FASTKD1: variants seen among roughly 807,000 people sequenced by gnomAD.
FASTKD1 encodes the protein FAST kinase domain-containing protein 1, mitochondrial.
In FASTKD1, 94 loss-of-function variants were observed where a neutral mutation model predicts 90.9. That is an observed-to-expected ratio of 1.03 (90% CI 0.88 to 1.23). The LOEUF (loss-of-function observed/expected upper bound fraction) is 1.23, where lower values mean the gene tolerates loss of function less well. Among genes scored for constraint, FASTKD1 ranks in the 50% most tolerant of loss-of-function variants. The pLI, the probability that FASTKD1 is intolerant of heterozygous loss-of-function variation, is 0.00. For missense variants in FASTKD1, 945 were observed against 993.5 expected (o/e 0.95, Z 0.66); for synonymous variants, 319 against 345.8 (o/e 0.92, Z 0.86).
chr2:169,536,995 A>ATTT (rs769352998), intron 12 of FASTKD1: 106 of 239,850 alleles, frequency 4.4e-4, no homozygotes, highest in Middle Eastern at 1.5e-3. Context: ...ACTGACCTTA[A>ATTT]TTTTTTTTTT....
intron 4 of FASTKD1, among the ~76,000 whole-genome samples, chr2:169,562,309 T>C (rs1683739015): frequency 6.6e-6 from 1 of 151,870 alleles, no homozygotes; most frequent in African/African-American, 2.4e-5. Context: ...CTCAGGTCAC[T>C]GCAACCTCCA....
intron 2 of FASTKD1, among the ~76,000 whole-genome samples, chr2:169,570,613 C>T (rs895806978): frequency 2.6e-5 from 4 of 151,582 alleles, no homozygotes; most frequent in Non-Finnish European, 4.4e-5. Flanking sequence ...ATTACAATAA[C>T]GAGATTGCAA....
At chr2:169,537,911 G>A (rs1684792831) in intron 11 of FASTKD1, 102 bp downstream of exon 11, 2 of 960,284 alleles carry the variant, frequency 2.1e-6, no homozygotes, top group Non-Finnish European at 3.1e-6. Context: ...GCACTCTTGG[G>A]AAGGCTCGTG....
intron 10 of FASTKD1, among the ~76,000 whole-genome samples, chr2:169,539,633 C>T (rs112716139): frequency 7.2e-5 from 11 of 151,962 alleles, no homozygotes; most frequent in African/African-American, 2.7e-4. Flanking sequence ...GGCATGGTGA[C>T]ACACGCCTGT....
Position 169,531,481 on chromosome 2 carries a change from C to G in FASTKD1, c.2198G>C (p.Cys733Ser), listed in dbSNP as rs752543615. 20 of 1,602,304 alleles carry G rather than the reference C, an allele frequency of 1.2e-5. No homozygotes were observed. Among genetic ancestry groups the G allele is most frequent in the Non-Finnish European group, 1.5e-5 (18 of 1,176,636 alleles). ...AGGTTTTTTTCTTTTATCCAAGATA[C>G]ACTCAAAATCTTAAGGAAGCATAGA... ...TPYYHKVDFE[C>S]ILDKRKKPLP... Residue 733 changes from cysteine to serine, a missense_variant, in exon 13 of 15, where the codon TGT (cysteine) becomes TCT (serine). Physicochemically the swap from Cys to Ser is moderately radical, Grantham distance 112. Transcript: ENST00000453153.
At chr2:169,543,061 A>T (rs1412743296) in intron 9 of FASTKD1, among the ~76,000 whole-genome samples, 3 of 152,216 alleles carry the variant, frequency 2.0e-5, no homozygotes, top group Non-Finnish European at 4.4e-5. Flanking sequence ...CAATCAGACA[A>T]ATCCAGAATG....
chr2:169,545,531 G>A (rs1685152896), intron 8 of FASTKD1, among the ~76,000 whole-genome samples: 1 of 152,144 alleles, frequency 6.6e-6, no homozygotes, highest in African/African-American at 2.4e-5. Flanking sequence ...ATATATTTAT[G>A]ATAGTGATTT....
intron 6 of FASTKD1, among the ~76,000 whole-genome samples, chr2:169,555,967 G>A (rs1055938450): frequency 2.6e-5 from 4 of 151,938 alleles, no homozygotes; most frequent in African/African-American, 9.7e-5. Context: ...TTGAGCCCAG[G>A]AGTTCAAGAT....
intron 7 of FASTKD1, among the ~76,000 whole-genome samples, chr2:169,552,861 A>G (rs557770460): frequency 3.5e-4 from 53 of 152,148 alleles, no homozygotes; most frequent in Non-Finnish European, 6.9e-4. Context: ...CAATTCATCC[A>G]TGTAACAAAA....
At chr2:169,566,137 C>T (rs909238361) in intron 3 of FASTKD1, among the ~76,000 whole-genome samples, 2 of 152,154 alleles carry the variant, frequency 1.3e-5, no homozygotes, top group African/African-American at 4.8e-5. Context: ...ACTCTCGCTT[C>T]ACTTTGTTGA....
At chr2:169,570,706 C>T (rs911666877) in intron 2 of FASTKD1, among the ~76,000 whole-genome samples, 13 of 141,128 alleles carry the variant, frequency 9.2e-5, no homozygotes, top group Non-Finnish European at 1.5e-4. Flanking sequence ...GACAGCGTCT[C>T]ACTCTGTCGC....
chr2:169,560,300 G>T (rs1683517957), intron 5 of FASTKD1, 87 bp downstream of exon 5: 3 of 1,035,928 alleles, frequency 2.9e-6, no homozygotes, highest in Non-Finnish European at 2.8e-6. Flanking sequence ...GGTGATATTT[G>T]TACCTTCCAG....
chr2:169,530,634 C>G lies in FASTKD1; in HGVS notation c.2395G>C (p.Ala799Pro). The change falls in exon 14 of 15, where the codon GCT becomes CCT. Residue 799 changes from alanine (A) to proline (P), a missense_variant. By Grantham distance (27) the Ala-to-Pro change is conservative (BLOSUM62 -1). Transcript: ENST00000453153. Reference protein sequence around the residue: ...RNIPHMKGKSAMKKRHLEILG... With the variant: ...RNIPHMKGKSPMKKRHLEILG... Reference sequence around the variant, plus strand: ...ATTTCCAAATGTCGTTTTTTCATAGCAGATTTTCCTTTCATGTGAGGGATA... The same window carrying G: ...ATTTCCAAATGTCGTTTTTTCATAGGAGATTTTCCTTTCATGTGAGGGATA... The G allele has an allele frequency of 6.2e-7, 1 of 1,610,230 alleles. No homozygotes were observed. The highest frequency in any genetic ancestry group is 1.7e-4 in the Middle Eastern group (1 of 6,018).
chr2:169,531,239 G>T, intron 13 of FASTKD1, 113 bp downstream of exon 13: 2 of 1,087,752 alleles, frequency 1.8e-6, no homozygotes, highest in African/African-American at 1.5e-5. Flanking sequence ...TGGAATGCAT[G>T]ACATATGAGG....
intron 9 of FASTKD1, 109 bp downstream of exon 9, chr2:169,544,612 A>C: frequency 1.5e-6 from 1 of 673,400 alleles, no homozygotes; most frequent in Non-Finnish European, 2.6e-6. Flanking sequence ...TTAGGTAGAT[A>C]ATTCATGTCT....
intron 6 of FASTKD1, among the ~76,000 whole-genome samples, chr2:169,556,352 A>G (rs1045573956): frequency 2.1e-5 from 3 of 146,162 alleles, no homozygotes; most frequent in African/African-American, 5.0e-5. Flanking sequence ...GAGAGGATCA[A>G]TTGAGCCTGG....
At position 169,562,018 on chromosome 2, in the gene FASTKD1, A is replaced by G. The variant is rs929754685; in HGVS notation, c.572+1207T>C. ...AATTAATTATTCATTAATTTATTGT[A>G]AATTAATTATTTATTAATTTATTGT... On this transcript the variant is annotated intron_variant, in intron 4 of 14. Coordinates refer to ENST00000453153, the MANE Select transcript of FASTKD1 (RefSeq NM_024622.6). 1.8e-4 allele frequency among the ~76,000 whole-genome samples: 20 copies of G among 109,156 alleles called. 1 individual carries two copies. The highest frequency in any genetic ancestry group is 5.7e-4 in the African/African-American group (18 of 31,856). 71.6% of individuals were successfully genotyped at this position (109,156 alleles called of 152,430 possible).
chr2:169,543,665 C>G (rs1245112769), intron 9 of FASTKD1, among the ~76,000 whole-genome samples: 3 of 152,190 alleles, frequency 2.0e-5, no homozygotes, highest in African/African-American at 7.2e-5. Context: ...TGTGCACATA[C>G]ACAGAGCAAA....
intron 3 of FASTKD1, among the ~76,000 whole-genome samples, chr2:169,567,686 C>T (rs1402153932): frequency 2.0e-5 from 3 of 152,176 alleles, no homozygotes; most frequent in Admixed American, 6.5e-5. Context: ...AATGGTCGCT[C>T]CTCTCTGTCT....
Sources: allele counts gnomAD v4.1 joint callset (sites outside exome capture counted in the v4.1 genomes callset), GRCh38; gene constraint gnomAD v4.1.1; transcripts MANE v1.5; gene names NCBI Gene and HGNC (gene_info 2026-07-23, HGNC 2026-07-21).